Variants in ZNF175 observed in about 807,000 individuals in gnomAD.
ZNF175 encodes zinc finger protein OTK18.
In ZNF175, 8 loss-of-function variants were observed where a neutral mutation model predicts 14.0. The observed-to-expected ratio is 0.57, with a 90% CI of 0.34 to 1.03. ZNF175 has a LOEUF of 1.03. ZNF175 is among the 50% of genes least tolerant of loss of function. The pLI, the probability that ZNF175 is intolerant of heterozygous loss-of-function variation, is 0.03. For synonymous variants in ZNF175, 255 were observed against 296.8 expected, an observed-to-expected ratio of 0.86 and a Z score of 1.45; for missense variants, 764 against 849.5, an observed-to-expected ratio of 0.90 and a Z score of 1.25.
Position 51,587,503 on chromosome 19 carries a change from A to G in ZNF175, c.1172A>G (p.Tyr391Cys), listed in dbSNP as rs767572018. The stretch of plus-strand genomic sequence containing the variant: ...AGAACTCACAGTAGAGAAAAACTCT[A>G]TGAATGCAGTGAATGTGGCAAAGGC... ...HQRTHSREKLYECSECGKGFS... is the reference protein window; with the variant it reads ...HQRTHSREKLCECSECGKGFS... Residue 391 changes from tyrosine (Y) to cysteine (C), a missense_variant, in exon 5 of 5, where the codon TAT (tyrosine) becomes TGT (cysteine). Coordinates refer to ENST00000262259, the MANE Select transcript of ZNF175 (RefSeq NM_007147.4). The G allele has an allele frequency of 1.2e-5, 19 of 1,614,118 alleles. No individual in the cohort carries two copies. The African/African-American group carries it at 1.2e-4, about 10-fold the overall frequency.
chr19:51,578,840 C>T (rs763776959), intron 2 of ZNF175, among the ~76,000 whole-genome samples: 14 of 151,974 alleles, frequency 9.2e-5, no homozygotes, highest in Non-Finnish European at 1.6e-4. Flanking sequence ...GAAATGGCCA[C>T]GTGCAGTGGC....
intron 2 of ZNF175, among the ~76,000 whole-genome samples, chr19:51,575,404 A>G (rs1003882130): frequency 6.6e-6 from 1 of 151,768 alleles, no homozygotes; most frequent in African/African-American, 2.4e-5. Flanking sequence ...TTTTTAGTAG[A>G]GATGAGGTTT....
Position 51,588,266 on chromosome 19 carries a change from C to T in ZNF175, c.1935C>T (p.Cys645=). 1 of 1,613,928 alleles carries T rather than the reference C, an allele frequency of 6.2e-7. No homozygotes were observed. Among genetic ancestry groups the T allele is most frequent in the East Asian group, 2.2e-5 (1 of 44,890 alleles). The stretch of plus-strand genomic sequence containing the variant: ...ACATGGGAGAGAAACCCTATGAATG[C>T]CTTGACTGTGGGAAATCGTTCAGTA... ...RTHMGEKPYE[C]LDCGKSFSKK... Residue 645 remains cysteine, a synonymous_variant, in exon 5 of 5, where the codon TGC becomes TGT. Coordinates refer to ENST00000262259, the MANE Select transcript of ZNF175 (RefSeq NM_007147.4).
At chr19:51,576,827 C>T (rs73562629) in intron 2 of ZNF175, among the ~76,000 whole-genome samples, 2,505 of 152,120 alleles carry the variant, frequency 0.016, 73 homozygotes, top group African/African-American at 0.058. Flanking sequence ...CACGGTTTAC[C>T]GTTACTCTCA....
At chr19:51,583,950 AG>A (rs1982091357) in intron 4 of ZNF175, among the ~76,000 whole-genome samples, 1 of 152,230 alleles carries the variant, frequency 6.6e-6, no homozygotes, top group Non-Finnish European at 1.5e-5. Flanking sequence ...ATATAGGATT[AG>A]GATTTTTGTA....
At chr19:51,576,149 T>TTG (rs1204812966) in intron 2 of ZNF175, among the ~76,000 whole-genome samples, 6 of 123,888 alleles carry the variant, frequency 4.8e-5, no homozygotes, top group Non-Finnish European at 1.0e-4. Context: ...AGTTTTTTTT[T>TTG]TTGTTTTTTT....
In ZNF175 at chr19:51,589,688, A is replaced by G; in HGVS notation, c.*1221A>G. The G allele has an allele frequency of 1.5e-6, 1 of 654,908 alleles. No individual in the cohort carries two copies. The highest frequency in any genetic ancestry group is 1.7e-5 in the South Asian group (1 of 59,514). The allele number at this position is 654,908 out of a possible 1,614,324, so 40.6% of individuals were successfully genotyped here. The stretch of plus-strand genomic sequence containing the variant: ...GCCATTGGCCAAATATGGCCTCCCA[A>G]CTGTTTTTTTAAAATAAAGTTTTAT... On this transcript the variant is annotated 3_prime_UTR_variant, in exon 5 of 5. Transcript: ENST00000262259.
In ZNF175 at chr19:51,587,852, C is replaced by G; in HGVS notation, c.1521C>G (p.Asp507Glu). Residue 507 changes from aspartate (D) to glutamate (E), a missense_variant, in exon 5 of 5, where the codon GAC becomes GAG. Coordinates refer to ENST00000262259, the MANE Select transcript of ZNF175 (RefSeq NM_007147.4). ...GGGAGAAACCTTATGAATGCAGTGA[C>G]TGTGGAAAAACCTTCACCCAAAAGT... The part of the protein sequence containing the change: ...HTGEKPYECS[D>E]CGKTFTQKSH... 6.2e-7 allele frequency: 1 copy of G among 1,613,976 alleles called. No homozygotes were observed. The highest frequency in any genetic ancestry group is 8.5e-7 in the Non-Finnish European group (1 of 1,179,992).
rs1160194403 is a variant in ZNF175 at position 51,587,390 on chromosome 19, C to T, written c.1059C>T (p.His353=). ...VFIQRSELLT[H]QKTHTRKKPY... ...TTCAGAGATCAGAATTGCTTACGCA[C>T]CAGAAAACACACACTAGAAAGAAGC... Residue 353 remains histidine (H), a synonymous_variant, in exon 5 of 5, where the codon CAC becomes CAT. Coordinates refer to ENST00000262259, the MANE Select transcript of ZNF175 (RefSeq NM_007147.4). 5 of 1,613,996 alleles carry T rather than the reference C, an allele frequency of 3.1e-6. No individual in the cohort carries two copies. In the South Asian group the frequency reaches 5.5e-5, roughly 18 times the overall value.
At chr19:51,574,285 G>C (rs1238718906) in intron 2 of ZNF175, 1 of 147,356 alleles carries the variant, frequency 6.8e-6, no homozygotes. Context: ...ATAATAGAAA[G>C]TATTAAAAGA....
Position 51,572,558 on chromosome 19 carries a change from T to C in ZNF175, c.-180-592T>C, listed in dbSNP as rs558149372. Among the ~76,000 whole-genome samples, 14 of 152,270 alleles carry C rather than the reference T, an allele frequency of 9.2e-5. No individual in the cohort carries two copies. In the South Asian group the frequency reaches 1.9e-3, roughly 20 times the overall value. ...GAGCCACCTCCCGGCCTGAGTTCTATGAAGGCAACAGAAAGAGGAAATGGT... is the reference window on the plus strand; with the variant it reads ...GAGCCACCTCCCGGCCTGAGTTCTACGAAGGCAACAGAAAGAGGAAATGGT... On this transcript the variant is annotated intron_variant, in intron 1 of 4. Transcript: ENST00000262259.
In ZNF175 at chr19:51,589,346, A is replaced by T. The variant is rs1301881182; in HGVS notation, c.*879A>T. The T allele has an allele frequency of 1.7e-6, 1 of 578,962 alleles. No individual in the cohort carries two copies. Among genetic ancestry groups the T allele is most frequent in the Non-Finnish European group, 3.0e-6 (1 of 328,658 alleles). 35.9% of individuals were successfully genotyped at this position (578,962 alleles called of 1,614,324 possible). A position where few individuals can be genotyped will look rare whatever the true frequency, so the allele number is the denominator to read the frequency against. On this transcript the variant is annotated 3_prime_UTR_variant, in exon 5 of 5. Transcript: ENST00000262259. ...TCACTGCATAGCAGGAGATGTAAGC[A>T]GATGAGTTATTTTTTAAGAGAATCT...
Position 51,587,009 on chromosome 19 carries a change from T to C in ZNF175, c.678T>C (p.Val226=). The C allele has an allele frequency of 1.9e-6, 3 of 1,614,178 alleles. No homozygotes were observed. Among genetic ancestry groups the C allele is most frequent in the Non-Finnish European group, 2.5e-6 (3 of 1,180,012 alleles). Residue 226 remains valine, a synonymous_variant, in exon 5 of 5, where the codon GTT becomes GTC. Transcript: ENST00000262259. ...ESNDTEQLDD[V]VGSGQLFSHS... is the part of the protein sequence containing the mutation. ...ATGACACAGAACAGCTTGATGACGT[T>C]GTTGGGTCTGGTCAGCTATTCAGCC...
intron 2 of ZNF175, among the ~76,000 whole-genome samples, chr19:51,581,033 A>G (rs1300742690): frequency 6.6e-6 from 1 of 152,204 alleles, no homozygotes; most frequent in Non-Finnish European, 1.5e-5. Flanking sequence ...CTGCAAGAGT[A>G]GAAGCTTATG....
At chr19:51,571,628 G>T (rs1263826113) in intron 1 of ZNF175, among the ~76,000 whole-genome samples, 153 bp downstream of exon 1, 1 of 152,064 alleles carries the variant, frequency 6.6e-6, no homozygotes, top group African/African-American at 2.4e-5. Flanking sequence ...TAGTATTTTT[G>T]TGACTTAAAT....
At chr19:51,576,981 G>A (rs535535641) in intron 2 of ZNF175, among the ~76,000 whole-genome samples, 2 of 152,270 alleles carry the variant, frequency 1.3e-5, no homozygotes, top group South Asian at 4.1e-4. Flanking sequence ...GGTTGAGGCT[G>A]CAGTGAGCTG....
chr19:51,587,544 A>G lies in ZNF175; in HGVS notation c.1213A>G (p.Thr405Ala). The G allele has an allele frequency of 6.2e-7, 1 of 1,614,012 alleles. No individual in the cohort carries two copies. The highest frequency in any genetic ancestry group is 8.5e-7 in the Non-Finnish European group (1 of 1,179,988). Reference protein sequence around the residue: ...ECGKGFSQNSTLIIHQKIHTG... With the variant: ...ECGKGFSQNSALIIHQKIHTG... ...TGGCAAAGGCTTCTCCCAAAACTCA[A>G]CCCTCATTATACATCAGAAAATTCA... The change falls in exon 5 of 5, where the codon ACC becomes GCC. Residue 405 changes from threonine (T) to alanine (A), a missense_variant. Coordinates refer to ENST00000262259, the MANE Select transcript of ZNF175 (RefSeq NM_007147.4).
chr19:51,588,632 T>G lies in ZNF175; in HGVS notation c.*165T>G. On this transcript the variant is annotated 3_prime_UTR_variant, in exon 5 of 5. Transcript: ENST00000262259. ...GAACACATGATAAAAAAGTCATGCT[T>G]TATTTTAGTGAGGGCAATTACAGAG... The G allele has an allele frequency of 5.5e-6, 4 of 733,812 alleles. No homozygotes were observed. Among genetic ancestry groups the G allele is most frequent in the Non-Finnish European group, 8.2e-6 (4 of 490,442 alleles). The allele number at this position is 733,812 out of a possible 1,614,324, so 45.5% of individuals were successfully genotyped here.
In ZNF175 at chr19:51,592,396, C is replaced by T. The variant is rs907011672; in HGVS notation, c.*3929C>T. On this transcript the variant is annotated 3_prime_UTR_variant, in exon 5 of 5. Transcript: ENST00000262259. ...ATTACATGCGTTAATTATGTAAAGT[C>T]AAGCATTAGAATGGTGGCTGTCCAC... 7 of 458,280 alleles carry T rather than the reference C, an allele frequency of 1.5e-5. No homozygotes were observed. The highest frequency in any genetic ancestry group is 1.2e-4 in the African/African-American group (6 of 49,538). The allele number at this position is 458,280 out of a possible 1,614,324, so 28.4% of individuals were successfully genotyped here.
Sources: gnomAD v4.1 joint callset for allele counts (sites outside exome capture counted in the v4.1 genomes callset) on GRCh38, gnomAD v4.1.1 for gene constraint, MANE v1.5 for transcripts, NCBI Gene and HGNC (gene_info 2026-07-23, HGNC 2026-07-21) for gene names.